ROBO1: variants seen among roughly 807,000 people sequenced by gnomAD.
ROBO1 encodes the protein roundabout guidance receptor 1.
In ROBO1, 149 loss-of-function variants were observed where a neutral mutation model predicts 195.9. The ratio of observed to expected loss-of-function variants is 0.76; its 90% CI spans 0.67 to 0.87. The LOEUF is 0.87. ROBO1 is among the 40% of genes least tolerant of loss of function. ROBO1 has a pLI of 0.00. For synonymous variants in ROBO1, 816 were observed against 733.2 expected, an observed-to-expected ratio of 1.11 and a Z score of -1.82; for missense variants, 1,933 against 2,068.3, an observed-to-expected ratio of 0.93 and a Z score of 1.27.
intron 3 of ROBO1, among the ~76,000 whole-genome samples, chr3:78,975,504 C>G (rs549390331): frequency 6.6e-6 from 1 of 152,062 alleles, no homozygotes; most frequent in South Asian, 2.1e-4. Flanking sequence ...TGCCATTTAG[C>G]TAGTTGTGTA....
intron 1 of ROBO1, among the ~76,000 whole-genome samples, chr3:79,671,229 C>T (rs1355858750): frequency 2.6e-5 from 4 of 151,708 alleles, no homozygotes; most frequent in South Asian, 2.1e-4. Flanking sequence ...AGTGTCTCTG[C>T]GTTTGTTATG....
chr3:78,795,037 T>C (rs1041225336), intron 4 of ROBO1, among the ~76,000 whole-genome samples: 1 of 152,178 alleles, frequency 6.6e-6, no homozygotes, highest in African/African-American at 2.4e-5. Flanking sequence ...AAAAATGATT[T>C]AACTGAAATT....
intron 2 of ROBO1, among the ~76,000 whole-genome samples, chr3:79,262,775 C>T (rs79731723): frequency 0.16 from 24,306 of 151,890 alleles, 3,026 homozygotes; most frequent in African/African-American, 0.35. Flanking sequence ...AAATAAGTAT[C>T]GACAGAATAC....
intron 3 of ROBO1, among the ~76,000 whole-genome samples, chr3:78,944,278 C>T (rs760553220): frequency 6.6e-6 from 1 of 152,240 alleles, no homozygotes; most frequent in African/African-American, 2.4e-5. Flanking sequence ...TTTGTTCACA[C>T]TTGCTTCCAA....
At chr3:78,825,890 T>G (rs972684890) in intron 4 of ROBO1, among the ~76,000 whole-genome samples, 10 of 152,190 alleles carry the variant, frequency 6.6e-5, no homozygotes, top group Non-Finnish European at 1.3e-4. Context: ...TGATGACTCC[T>G]GCTAAGATTT....
intron 2 of ROBO1, among the ~76,000 whole-genome samples, chr3:79,340,059 C>T (rs1413360261): frequency 6.6e-6 from 1 of 152,158 alleles, no homozygotes; most frequent in African/African-American, 2.4e-5. Flanking sequence ...GGTGTGATAG[C>T]CTGTTTGCTC....
At chr3:78,939,170 C>T (rs1299927785) in intron 3 of ROBO1, among the ~76,000 whole-genome samples, 1 of 152,138 alleles carries the variant, frequency 6.6e-6, no homozygotes, top group Non-Finnish European at 1.5e-5. Flanking sequence ...ATCCTGTCCT[C>T]AAATCCCTCA....
chr3:79,079,852 T>C (rs1438234463), intron 3 of ROBO1, among the ~76,000 whole-genome samples: 3 of 151,830 alleles, frequency 2.0e-5, no homozygotes, highest in Non-Finnish European at 2.9e-5. Flanking sequence ...TTTTTAAAAG[T>C]ACCAGAGTAT....
chr3:78,606,921 T>C lies in ROBO1; in HGVS notation c.4556A>G (p.Asp1519Gly). Residue 1519 changes from aspartate to glycine, a missense_variant, in exon 29 of 31, where the codon GAC becomes GGC. Physicochemically the swap from Asp to Gly is moderately conservative, Grantham distance 94. This residue lies in a region of ROBO1 where 1,737 missense variants were observed against 1,882.5 expected (regional missense o/e 0.92). Transcript: ENST00000464233. ...PKLPSMDART[D>G]RSSDRKGSSY... The stretch of plus-strand genomic sequence containing the variant: ...GCTTCCTTTTCTGTCTGATGATCTG[T>C]CTGTTCTTGCATCCATAGAAGGGAG... 1 of 1,613,958 alleles carries C rather than the reference T, an allele frequency of 6.2e-7. No individual in the cohort carries two copies. Among genetic ancestry groups the C allele is most frequent in the South Asian group, 1.1e-5 (1 of 91,078 alleles).
At chr3:79,374,208 C>T (rs2036302611) in intron 2 of ROBO1, among the ~76,000 whole-genome samples, 1 of 152,098 alleles carries the variant, frequency 6.6e-6, no homozygotes, top group Non-Finnish European at 1.5e-5. Context: ...GAATTTATCA[C>T]CCAATTCCTA....
At chr3:79,298,618 C>A (rs2032723697) in intron 2 of ROBO1, among the ~76,000 whole-genome samples, 1 of 152,032 alleles carries the variant, frequency 6.6e-6, no homozygotes, top group Admixed American at 6.5e-5. Flanking sequence ...CCTGAAACTT[C>A]TTTTAAAACA....
intron 26 of ROBO1, 124 bp downstream of exon 26, chr3:78,627,197 G>C: frequency 9.7e-7 from 1 of 1,026,234 alleles, no homozygotes; most frequent in African/African-American, 1.6e-5. Flanking sequence ...GTTTACTATG[G>C]GATGATACTG....
intron 2 of ROBO1, among the ~76,000 whole-genome samples, chr3:79,150,567 C>A (rs186577009): frequency 1.6e-4 from 24 of 151,700 alleles, no homozygotes; most frequent in African/African-American, 4.6e-4. Context: ...AAATACTTAT[C>A]TTTACTAAAA....
chr3:78,607,144 A>C (rs578099274), intron 28 of ROBO1, 103 bp from the exon 29 acceptor site: 1 of 1,105,104 alleles, frequency 9.0e-7, no homozygotes, highest in Non-Finnish European at 1.3e-6. Context: ...GAGATACTAT[A>C]TCTTAGATGA....
At chr3:79,655,916 T>A (rs1042902933) in intron 1 of ROBO1, among the ~76,000 whole-genome samples, 1 of 151,956 alleles carries the variant, frequency 6.6e-6, no homozygotes, top group African/African-American at 2.4e-5. Context: ...TGAATTAGAG[T>A]TTTTTTATGG....
intron 25 of ROBO1, among the ~76,000 whole-genome samples, chr3:78,627,945 A>G (rs1299094662): frequency 6.9e-6 from 1 of 144,272 alleles, no homozygotes; most frequent in Non-Finnish European, 1.5e-5. Context: ...CATTTAGAGA[A>G]AAATTACTCT....
At chr3:78,862,162 C>G (rs1407165825) in intron 4 of ROBO1, among the ~76,000 whole-genome samples, 3 of 152,004 alleles carry the variant, frequency 2.0e-5, no homozygotes, top group African/African-American at 7.2e-5. Context: ...CATTAGACCC[C>G]AAGATGGAGG....
At chr3:79,387,723 A>C (rs1052326516) in intron 2 of ROBO1, among the ~76,000 whole-genome samples, 2 of 152,152 alleles carry the variant, frequency 1.3e-5, no homozygotes, top group Non-Finnish European at 2.9e-5. Context: ...GAAAGGTAGT[A>C]AAAATAGTTG....
chr3:79,393,564 T>C (rs937612700), intron 2 of ROBO1, among the ~76,000 whole-genome samples: 1 of 152,098 alleles, frequency 6.6e-6, no homozygotes, highest in African/African-American at 2.4e-5. Context: ...AGAGAAAATA[T>C]CAACATTTTT....
Sources: allele counts gnomAD v4.1 joint callset (sites outside exome capture counted in the v4.1 genomes callset), GRCh38; gene constraint gnomAD v4.1.1; regional missense constraint gnomAD v4.1.1; transcripts MANE v1.5; gene names NCBI Gene and HGNC (gene_info 2026-07-23, HGNC 2026-07-21).